The following CBX3 variants were observed in gnomAD, a reference collection of about 807,000 sequenced individuals.
CBX3 encodes the protein chromobox protein homolog 3.
Under a neutral mutation model 22.6 loss-of-function variants are expected in CBX3, and 5 were observed. The ratio of observed to expected loss-of-function variants is 0.22; its 90% CI spans 0.12 to 0.47. CBX3 has a LOEUF of 0.47. Ranked by LOEUF, CBX3 falls within the 20% of genes least tolerant of loss-of-function variation. The pLI, the probability that CBX3 is intolerant of heterozygous loss-of-function variation, is 0.99. For missense variants in CBX3, 83 were observed against 208.1 expected, an observed-to-expected ratio of 0.40 and a Z score of 3.70; for synonymous variants, 50 against 66.6, an observed-to-expected ratio of 0.75 and a Z score of 1.21.
intron 1 of CBX3, 146 bp from the exon 2 acceptor site, chr7:26,202,825 A>C (rs1784579968): frequency 5.9e-6 from 4 of 674,364 alleles, no homozygotes; most frequent in Non-Finnish European, 1.1e-5. Flanking sequence ...TAAGCAATGT[A>C]GGTAGGAGCG....
At chr7:26,208,153 T>C (rs1417470141) in intron 3 of CBX3, 1 of 298,566 alleles carries the variant, frequency 3.3e-6, no homozygotes, top group Non-Finnish European at 6.3e-6. Context: ...AGTCGGGAGT[T>C]GGAATCTTCA....
chr7:26,212,389 T>A lies in CBX3; in HGVS notation c.*181T>A, dbSNP rs1263424657. ...TTTTGCATCCATAGCACTGGTTACT[T>A]TGAACAAATAAATAAAAGCTTTCTG... On this transcript the variant is annotated 3_prime_UTR_variant, in exon 6 of 6. Transcript: ENST00000396386. 5.3e-5 allele frequency: 14 copies of A among 265,330 alleles called. No homozygotes were observed. Among genetic ancestry groups the A allele is most frequent in the Middle Eastern group, 1.5e-3 (1 of 688 alleles). 16.4% of individuals were successfully genotyped at this position (265,330 alleles called of 1,614,324 possible).
Position 26,206,239 on chromosome 7 carries a change from G to A in CBX3, c.25-129G>A. 3.3e-6 allele frequency: 2 copies of A among 606,736 alleles called. 1 individual carries two copies. Among genetic ancestry groups the A allele is most frequent in the South Asian group, 4.4e-5 (2 of 45,880 alleles). The allele number at this position is 606,736 out of a possible 1,614,324, so 37.6% of individuals were successfully genotyped here. ...CTGTTGACTTTTAATCTTTCCAGAA[G>A]GTGTCTGCCCTGGGATATAGAAGTA... On this transcript the variant is annotated intron_variant, in intron 2 of 5. Transcript: ENST00000396386.
intron 3 of CBX3, among the ~76,000 whole-genome samples, chr7:26,207,817 C>G (rs1388894504): frequency 3.9e-5 from 6 of 151,946 alleles, no homozygotes; most frequent in Non-Finnish European, 4.4e-5. Flanking sequence ...CGTGCCAGGC[C>G]AAAGAAGACT....
intron 5 of CBX3, 118 bp downstream of exon 5, chr7:26,211,874 T>A: frequency 1.1e-6 from 1 of 878,490 alleles, no homozygotes; most frequent in South Asian, 1.9e-5. Flanking sequence ...TGATTCTGGT[T>A]ACTTTTACTA....
At chr7:26,203,803 C>T (rs1195664835) in intron 2 of CBX3, among the ~76,000 whole-genome samples, 2 of 152,168 alleles carry the variant, frequency 1.3e-5, no homozygotes, top group South Asian at 2.1e-4. Context: ...TGTGCTCTCT[C>T]TGGGTTTCAC....
rs1784812555 is a variant in CBX3 at position 26,212,086 on chromosome 7, G to C, written c.430G>C (p.Asp144His). The C allele has an allele frequency of 6.5e-7, 1 of 1,549,736 alleles. No individual in the cohort carries two copies. The highest frequency in any genetic ancestry group is 1.4e-5 in the African/African-American group (1 of 71,782). Residue 144 changes from aspartate to histidine, a missense_variant, in exon 6 of 6, where the codon GAT becomes CAT. By Grantham distance (81) the Asp-to-His change is moderately conservative. Around this residue, in one of 3 missense-constraint regions of CBX3, gnomAD observed 59 missense variants for 155.0 expected, o/e 0.38. Transcript: ENST00000396386. The stretch of plus-strand genomic sequence containing the variant: ...TTTTTCTTTTTCTTAAAACAGGAAA[G>C]ATTCAGATGAGGCAGACTTGGTGCT... ...GELMFLMKWK[D>H]SDEADLVLAK... is the part of the protein sequence containing the mutation.
chr7:26,212,303 A>T lies in CBX3; in HGVS notation c.*95A>T, dbSNP rs1784819310. ...TAGTGTGACAAAATAACTACATCCT[A>T]ATGAAAATCAAGTTTGATATGTTTG... On this transcript the variant is annotated 3_prime_UTR_variant, in exon 6 of 6. Coordinates refer to ENST00000396386, the MANE Select transcript of CBX3 (RefSeq NM_016587.4). 2.6e-6 allele frequency: 2 copies of T among 778,898 alleles called. No individual in the cohort carries two copies. The highest frequency in any genetic ancestry group is 4.7e-5 in the Admixed American group (1 of 21,310). 48.2% of individuals were successfully genotyped at this position (778,898 alleles called of 1,614,324 possible).
intron 1 of CBX3, chr7:26,202,309 C>T (rs925195239): frequency 2.0e-5 from 3 of 152,190 alleles, no homozygotes; most frequent in African/African-American, 4.8e-5. Context: ...GGCGCAGTGC[C>T]CTTGAGCCCC....
intron 5 of CBX3, 41 bp downstream of exon 5, chr7:26,211,797 CTTT>C: frequency 8.8e-7 from 1 of 1,138,038 alleles, no homozygotes; most frequent in Non-Finnish European, 1.2e-6. Context: ...GTAAGAGTAG[CTTT>C]TTTTTTTTAA....
rs59657982 is a variant in CBX3, at chr7:26,208,917, C to CTTTTTT, written c.330+391_330+396dup. Among the ~76,000 whole-genome samples the CTTTTTT allele has an allele frequency of 2.7e-3, 76 of 27,946 alleles. 27 individuals are homozygous for CTTTTTT. In the East Asian group the frequency reaches 0.035, roughly 13 times the overall value. 18.3% of individuals were successfully genotyped at this position (27,946 alleles called of 152,430 possible). A position where few individuals can be genotyped will look rare whatever the true frequency, so the allele number is the denominator to read the frequency against. On this transcript the variant is annotated intron_variant, in intron 4 of 5. Transcript: ENST00000396386. ...GTAGGCATGAGCCACCACGCCTGGC[C>CTTTTTT]TTTTTTTTTTTTTTTTTTTTTTTTT...
At chr7:26,202,866 G>T in intron 1 of CBX3, 105 bp from the exon 2 acceptor site, 1 of 718,014 alleles carries the variant, frequency 1.4e-6, no homozygotes, top group South Asian at 1.4e-5. Context: ...ATTCACGTTT[G>T]AAATGTGCGC....
At chr7:26,203,169 A>G (rs1370565214) in intron 2 of CBX3, 147 bp downstream of exon 2, 9 of 662,138 alleles carry the variant, frequency 1.4e-5, no homozygotes, top group Non-Finnish European at 2.1e-5. Flanking sequence ...AATTAAGAGA[A>G]AAACGAATTC....
rs1272569245 is a variant in CBX3 at position 26,202,952 on chromosome 7, C to T, written c.-28-19C>T. ...TTTGTGTCATGCAAACTTACCTTAA[C>T]TGTCATGCATTTTTCTAGTAATAGC... On this transcript the variant is annotated intron_variant, in intron 1 of 5. Coordinates refer to ENST00000396386, the MANE Select transcript of CBX3 (RefSeq NM_016587.4). The T allele has an allele frequency of 6.0e-6, 9 of 1,508,956 alleles. No homozygotes were observed. Among genetic ancestry groups the T allele is most frequent in the Non-Finnish European group, 2.7e-6 (3 of 1,092,654 alleles). The allele number at this position is 1,508,956 out of a possible 1,614,324, so 93.5% of individuals were successfully genotyped here. A position where few individuals can be genotyped will look rare whatever the true frequency, so the allele number is the denominator to read the frequency against.
At chr7:26,210,392 T>G (rs974213743) in intron 4 of CBX3, 1 of 152,262 alleles carries the variant, frequency 6.6e-6, no homozygotes, top group Non-Finnish European at 1.5e-5. Flanking sequence ...TTTAATGTGC[T>G]GTGAAATATC....
intron 1 of CBX3, 149 bp from the exon 2 acceptor site, chr7:26,202,822 T>C (rs569680552): frequency 1.1e-5 from 7 of 665,454 alleles, no homozygotes; most frequent in Admixed American, 2.7e-5. Context: ...TCATAAGCAA[T>C]GTAGGTAGGA....
At chr7:26,208,257 G>C (rs1289437444) in intron 3 of CBX3, 136 bp from the exon 4 acceptor site, 7 of 603,814 alleles carry the variant, frequency 1.2e-5, no homozygotes, top group Non-Finnish European at 1.9e-5. Flanking sequence ...GTAATGTAGG[G>C]AAGGAGGAAA....
Position 26,212,434 on chromosome 7 carries a change from A to T in CBX3, c.*226A>T, listed in dbSNP as rs1175546572. The T allele has an allele frequency of 5.1e-6, 1 of 195,112 alleles. No individual in the cohort carries two copies. The highest frequency in any genetic ancestry group is 1.1e-5 in the Non-Finnish European group (1 of 94,290). The allele number at this position is 195,112 out of a possible 1,614,324, so 12.1% of individuals were successfully genotyped here. ...TTTCTGTAGTTGCTTCCTTTATCAG[A>T]AAAGAACATTTGATACCATGGTATA... On this transcript the variant is annotated 3_prime_UTR_variant, in exon 6 of 6. Transcript: ENST00000396386.
chr7:26,209,223 C>A (rs1784751814), intron 4 of CBX3, among the ~76,000 whole-genome samples: 1 of 152,064 alleles, frequency 6.6e-6, no homozygotes, highest in African/African-American at 2.4e-5. Context: ...TGACGACTTG[C>A]TTTTTTAAAA....
Sources: gnomAD v4.1 joint callset for allele counts (sites outside exome capture counted in the v4.1 genomes callset) on GRCh38, gnomAD v4.1.1 for gene constraint, gnomAD v4.1.1 regional missense constraint, MANE v1.5 for transcripts, NCBI Gene and HGNC (gene_info 2026-07-23, HGNC 2026-07-21) for gene names.